PSMF1: variants seen among roughly 807,000 people sequenced by gnomAD.
PSMF1 encodes proteasome inhibitor PI31 subunit.
PSMF1 carries 30 observed loss-of-function variants against 29.3 expected under a neutral mutation model. The ratio of observed to expected loss-of-function variants is 1.02; its 90% confidence interval spans 0.77 to 1.39. The LOEUF is 1.39. PSMF1 is among the 40% of genes most tolerant of loss of function. PSMF1 has a pLI of 0.00. For missense variants in PSMF1, 344 were observed against 357.5 expected (o/e 0.96, Z 0.31); for synonymous variants, 134 against 139.7 (o/e 0.96, Z 0.29).
At chr20:1,138,267 T>C (rs1019876365) in intron 4 of PSMF1, among the ~76,000 whole-genome samples, 1 of 152,148 alleles carries the variant, frequency 6.6e-6, no homozygotes, top group African/African-American at 2.4e-5. Flanking sequence ...TCCAGCAACA[T>C]ATACAAAGGA....
In PSMF1 at chr20:1,164,008, A is replaced by G. The variant is rs2122616091; in HGVS notation, c.606-310A>G. ...AAGTTCTGGCTCTTGGTCTTGATCA[A>G]GTTGGCCCTCTTGAGTATATGATAT... is the stretch of plus-strand genomic sequence containing the variant. On this transcript the variant is annotated intron_variant, in intron 5 of 6. Coordinates refer to ENST00000335877, the MANE Select transcript of PSMF1 (RefSeq NM_006814.5). The surrounding 1 kb of genome is among the most constrained non-coding windows in gnomAD (Gnocchi z 4.1). Among the ~76,000 whole-genome samples, 1 of 152,318 alleles carries G rather than the reference A, an allele frequency of 6.6e-6. No homozygotes were observed. The highest frequency in any genetic ancestry group is 1.5e-5 in the Non-Finnish European group (1 of 68,026).
chr20:1,133,103 G>T (rs1277849426), intron 3 of PSMF1, among the ~76,000 whole-genome samples: 2 of 150,622 alleles, frequency 1.3e-5, no homozygotes, highest in Non-Finnish European at 3.0e-5. Flanking sequence ...GCAGTGGTCA[G>T]GATGTCCAAT....
At position 1,163,208 on chromosome 20, in the gene PSMF1, G is replaced by A. The variant is rs1268993699; in HGVS notation, c.605+25G>A. ...GGTGAGTACTGCTGGGGAGGTGGCAGCAACACAACTTGCTTTTGTGGCTTT... is the reference window on the plus strand; with the variant it reads ...GGTGAGTACTGCTGGGGAGGTGGCAACAACACAACTTGCTTTTGTGGCTTT... On this transcript the variant is annotated intron_variant, in intron 5 of 6. Coordinates refer to ENST00000335877, the MANE Select transcript of PSMF1 (RefSeq NM_006814.5). The surrounding 1 kb of genome is among the most constrained non-coding windows in gnomAD (Gnocchi z 6.1). 6.2e-7 allele frequency: 1 copy of A among 1,612,778 alleles called. No individual in the cohort carries two copies. Among genetic ancestry groups the A allele is most frequent in the Non-Finnish European group, 8.5e-7 (1 of 1,178,950 alleles).
chr20:1,123,076 A>G (rs1270071551), intron 1 of PSMF1, among the ~76,000 whole-genome samples: 1 of 152,234 alleles, frequency 6.6e-6, no homozygotes, highest in Non-Finnish European at 1.5e-5. Context: ...TTTTTCGCAG[A>G]AGAATGGTTT....
At chr20:1,131,987 A>G (rs996444670) in intron 3 of PSMF1, among the ~76,000 whole-genome samples, 1 of 152,138 alleles carries the variant, frequency 6.6e-6, no homozygotes, top group Non-Finnish European at 1.5e-5. Flanking sequence ...TTTTTTACCC[A>G]TGGATGTCCA....
At chr20:1,157,942 TC>T (rs1225201242) in intron 4 of PSMF1, among the ~76,000 whole-genome samples, 1 of 152,142 alleles carries the variant, frequency 6.6e-6, no homozygotes, top group African/African-American at 2.4e-5. Flanking sequence ...CTTCCTTACC[TC>T]CGTTCTAGAG....
upstream of PSMF1, among the ~76,000 whole-genome samples, chr20:1,113,797 A>G (rs2085990154): frequency 6.6e-6 from 1 of 151,946 alleles, no homozygotes; most frequent in African/African-American, 2.4e-5. Context: ...GGTTCACGCC[A>G]TTCTCCTGCC....
chr20:1,154,377 T>G (rs534402858), intron 4 of PSMF1, among the ~76,000 whole-genome samples: 1 of 152,362 alleles, frequency 6.6e-6, no homozygotes, highest in Admixed American at 6.5e-5. Context: ...TGGTTCAGCT[T>G]TGATCTCACA....
chr20:1,121,025 C>T (rs1271244300), intron 1 of PSMF1, among the ~76,000 whole-genome samples: 3 of 152,210 alleles, frequency 2.0e-5, no homozygotes, highest in Non-Finnish European at 4.4e-5. Context: ...CATGAGTTCA[C>T]ATAAGTCGAT....
At position 1,127,447 on chromosome 20, in the gene PSMF1, G is replaced by A; in HGVS notation, c.304G>A (p.Ala102Thr). Residue 102 changes from alanine to threonine, a missense_variant, in exon 3 of 7, where the codon GCA (alanine) becomes ACA (threonine). Transcript: ENST00000335877. ...CTAGGAATATGGCTCACAGCAAGTG[G>A]CAGACTTGACCCTGAACTTGGATGA... ...NVLEYGSQQV[A>T]DLTLNLDDYI... The A allele has an allele frequency of 6.2e-7, 1 of 1,607,208 alleles. No homozygotes were observed. The highest frequency in any genetic ancestry group is 1.7e-5 in the Admixed American group (1 of 60,016).
At chr20:1,150,046 G>A (rs2086507131) in intron 4 of PSMF1, among the ~76,000 whole-genome samples, 1 of 148,896 alleles carries the variant, frequency 6.7e-6, no homozygotes, top group East Asian at 1.9e-4. Flanking sequence ...TGGATGTGGT[G>A]GTGTGACCCT....
chr20:1,152,798 T>C (rs2086547761), intron 4 of PSMF1, among the ~76,000 whole-genome samples: 1 of 152,152 alleles, frequency 6.6e-6, no homozygotes. Context: ...TGCTGATGGG[T>C]TGGCTTAATG....
intron 4 of PSMF1, chr20:1,160,932 G>A (rs548316519): frequency 4.5e-6 from 2 of 446,398 alleles, no homozygotes; most frequent in South Asian, 3.9e-5. Flanking sequence ...CCAACAGAAA[G>A]AAGATGGCTC....
chr20:1,124,907 G>A (rs1309453874), intron 1 of PSMF1, among the ~76,000 whole-genome samples: 8 of 152,244 alleles, frequency 5.3e-5, no homozygotes, highest in Admixed American at 5.2e-4. Flanking sequence ...CCTTGAAGGG[G>A]AAGGAGGGAC....
chr20:1,133,423 G>T (rs1380364143), intron 3 of PSMF1, among the ~76,000 whole-genome samples: 1 of 150,416 alleles, frequency 6.6e-6, no homozygotes, highest in African/African-American at 2.4e-5. Flanking sequence ...AACCAGTCTT[G>T]CATGCCTAGA....
intron 3 of PSMF1, among the ~76,000 whole-genome samples, chr20:1,130,594 C>T (rs2086216003): frequency 6.6e-6 from 1 of 152,202 alleles, no homozygotes; most frequent in Non-Finnish European, 1.5e-5. Flanking sequence ...GAGAAGCTTC[C>T]TCTGGCCCCC....
intron 4 of PSMF1, among the ~76,000 whole-genome samples, chr20:1,141,313 T>A (rs2122532615): frequency 6.6e-6 from 1 of 152,312 alleles, no homozygotes; most frequent in East Asian, 1.9e-4. Flanking sequence ...GCTGGTTGAA[T>A]TTTATAAGTG....
chr20:1,170,179 G>T lies in PSMF1; in HGVS notation c.*5099G>T, dbSNP rs1477192908. On this transcript the variant is annotated 3_prime_UTR_variant, in exon 7 of 7. Transcript: ENST00000335877. ...CATCACCTGGGAACCTGTTACACAT[G>T]CAGAATCTCAAGCCCCACCCCAGAC... Among the ~76,000 whole-genome samples, 1 of 152,194 alleles carries T rather than the reference G, an allele frequency of 6.6e-6. No individual in the cohort carries two copies. The highest frequency in any genetic ancestry group is 1.5e-5 in the Non-Finnish European group (1 of 68,032).
intron 4 of PSMF1, among the ~76,000 whole-genome samples, chr20:1,143,189 G>A (rs1184169385): frequency 6.6e-6 from 1 of 152,156 alleles, no homozygotes; most frequent in African/African-American, 2.4e-5. Flanking sequence ...AAGAATCTAA[G>A]ATAGCTATAA....
Sources: allele counts gnomAD v4.1 joint callset (sites outside exome capture counted in the v4.1 genomes callset), GRCh38; gene constraint gnomAD v4.1.1; non-coding constraint Gnocchi (gnomAD v3.1); transcripts MANE v1.5; gene names NCBI Gene and HGNC (gene_info 2026-07-23, HGNC 2026-07-21).